Variants in LRIT3 observed in about 807,000 individuals in gnomAD.
LRIT3 encodes the protein leucine rich repeat, Ig-like and transmembrane domains 3, also known as leucine-rich repeat, immunoglobulin-like domain and transmembrane domain-containing protein 3.
LRIT3 carries 14 observed loss-of-function variants against 22.6 expected under a neutral mutation model. The ratio of observed to expected loss-of-function variants is 0.62; its 90% confidence interval spans 0.41 to 0.97. The LOEUF is 0.97. Ranked by LOEUF, LRIT3 falls within the 50% of genes least tolerant of loss-of-function variation. The pLI is 0.00. For synonymous variants in LRIT3, 306 were observed against 304.5 expected (o/e 1.01, Z -0.05); for missense variants, 783 against 803.0 (o/e 0.98, Z 0.30).
intron 2 of LRIT3, among the ~76,000 whole-genome samples, chr4:109,861,712 T>C (rs1223027472): frequency 6.6e-6 from 1 of 152,216 alleles, no homozygotes; most frequent in African/African-American, 2.4e-5. Flanking sequence ...ATATGCACTG[T>C]GAATATTTTC....
rs1734287963 is a variant in LRIT3 at position 109,852,052 on chromosome 4, A to C, written c.589+76A>C. ...TAGCTTTTTTTGTCCAGTCTTTTAAAATTTGTTGGATTTGGCTTTTTACTC... is the reference window on the plus strand; with the variant it reads ...TAGCTTTTTTTGTCCAGTCTTTTAACATTTGTTGGATTTGGCTTTTTACTC... On this transcript the variant is annotated intron_variant, in intron 2 of 3. Coordinates refer to ENST00000594814, the MANE Select transcript of LRIT3 (RefSeq NM_198506.5). 1.0e-5 allele frequency: 14 copies of C among 1,361,756 alleles called. No homozygotes were observed. In the South Asian group the frequency reaches 2.0e-4, roughly 20 times the overall value. The allele number at this position is 1,361,756 out of a possible 1,614,324, so 84.4% of individuals were successfully genotyped here. A position where few individuals can be genotyped will look rare whatever the true frequency, so the allele number is the denominator to read the frequency against.
chr4:109,858,152 A>T (rs1460986238), intron 2 of LRIT3, among the ~76,000 whole-genome samples: 3 of 152,224 alleles, frequency 2.0e-5, no homozygotes, highest in African/African-American at 7.2e-5. Context: ...TCATTAACAT[A>T]GACCTCAGTA....
At position 109,854,813 on chromosome 4, in the gene LRIT3, C is replaced by T. The variant is rs150629350; in HGVS notation, c.589+2837C>T. Among the ~76,000 whole-genome samples, 955 of 152,262 alleles carry T rather than the reference C, an allele frequency of 6.3e-3. 14 individuals are homozygous for T. Among genetic ancestry groups the T allele is most frequent in the African/African-American group, 0.02 (836 of 41,546 alleles). On this transcript the variant is annotated intron_variant, in intron 2 of 3. Transcript: ENST00000594814. The stretch of plus-strand genomic sequence containing the variant: ...TGAATTTTATAGAAGGCCTTTTCTG[C>T]GACTATTGAGATAATCATGTGCTTT...
At chr4:109,864,973 C>T in intron 2 of LRIT3, 1 of 934,378 alleles carries the variant, frequency 1.1e-6, no homozygotes, top group Admixed American at 3.7e-5. Context: ...ATCTTTAGCA[C>T]CTCAATCAAT....
intron 1 of LRIT3, among the ~76,000 whole-genome samples, chr4:109,850,964 C>A (rs960344647): frequency 6.6e-5 from 10 of 151,480 alleles, no homozygotes; most frequent in African/African-American, 2.4e-4. Flanking sequence ...TTTTTTTTCA[C>A]CTAAATAAAT....
At chr4:109,850,422 C>CCTTCTTTCCTTCTTTCTTT (rs66553123) in intron 1 of LRIT3, among the ~76,000 whole-genome samples, 1 of 55,088 alleles carries the variant, frequency 1.8e-5, no homozygotes, top group Non-Finnish European at 3.5e-5. Flanking sequence ...TTCCTTCCTT[C>CCTTCTTTCCTTCTTTCTTT]CTTTCTTTCT....
rs1158372935 is a variant in LRIT3 at position 109,867,817 on chromosome 4, G to T, written c.766G>T (p.Val256Leu). The part of the protein sequence containing the change: ...AELEHCLKPS[V>L]MTSATKIMSA... ...ATTGGAGCATTGTCTGAAACCATCA[G>T]TGATGACCTCAGCCACCAAAATCAT... Residue 256 changes from valine to leucine, a missense_variant, in exon 3 of 4, where the codon GTG (valine) becomes TTG (leucine). By Grantham distance (32) the Val-to-Leu change is conservative. Around this residue, in one of 2 missense-constraint regions of LRIT3, gnomAD observed 756 missense variants for 753.8 expected, o/e 1.00. Coordinates refer to ENST00000594814, the MANE Select transcript of LRIT3 (RefSeq NM_198506.5). The T allele has an allele frequency of 1.2e-6, 2 of 1,614,202 alleles. No individual in the cohort carries two copies. The highest frequency in any genetic ancestry group is 2.2e-5 in the East Asian group (1 of 44,886).
intron 2 of LRIT3, among the ~76,000 whole-genome samples, chr4:109,857,396 T>A (rs1172857262): frequency 6.6e-6 from 1 of 152,184 alleles, no homozygotes; most frequent in Non-Finnish European, 1.5e-5. Flanking sequence ...ATAGTGATAT[T>A]TTTGGCTGTG....
At position 109,871,998 on chromosome 4, in the gene LRIT3, A is replaced by C. The variant is rs1171499298; in HGVS notation, c.*1209A>C. On this transcript the variant is annotated 3_prime_UTR_variant, in exon 4 of 4. Coordinates refer to ENST00000594814, the MANE Select transcript of LRIT3 (RefSeq NM_198506.5). ...ACAGTGGTGATATTACATGTCACTT[A>C]GCAGGATGCAACCTGGCCTAGGGAT... 4 of 152,256 alleles carry C rather than the reference A, an allele frequency of 2.6e-5. No homozygotes were observed. The highest frequency in any genetic ancestry group is 6.5e-5 in the Admixed American group (1 of 15,276). 9.4% of individuals were successfully genotyped at this position (152,256 alleles called of 1,614,324 possible).
chr4:109,867,853 G>A lies in LRIT3; in HGVS notation c.802G>A (p.Gly268Ser), dbSNP rs1409971504. 1 of 1,613,920 alleles carries A rather than the reference G, an allele frequency of 6.2e-7. No individual in the cohort carries two copies. Among genetic ancestry groups the A allele is most frequent in the Non-Finnish European group, 8.5e-7 (1 of 1,179,996 alleles). ...AGCCACCAAAATCATGTCTGCTCTG[G>A]GCAGTAATGTTCTACTGCGGTGTGA... ...TSATKIMSALGSNVLLRCDAT... is the reference protein window; with the variant it reads ...TSATKIMSALSSNVLLRCDAT... The change falls in exon 3 of 4, where the codon GGC becomes AGC. Residue 268 changes from glycine (G) to serine (S), a missense_variant. Transcript: ENST00000594814.
chr4:109,872,198 T>C lies in LRIT3; in HGVS notation c.*1409T>C, dbSNP rs1339053439. Reference sequence around the variant, plus strand: ...CCAAACTCTGAGAACGGTCCTCAAATAGAAGCTCTCCTAGTCAGTTGGTCA... The same window carrying C: ...CCAAACTCTGAGAACGGTCCTCAAACAGAAGCTCTCCTAGTCAGTTGGTCA... On this transcript the variant is annotated 3_prime_UTR_variant, in exon 4 of 4. Coordinates refer to ENST00000594814, the MANE Select transcript of LRIT3 (RefSeq NM_198506.5). 1 of 152,256 alleles carries C rather than the reference T, an allele frequency of 6.6e-6. No individual in the cohort carries two copies. Among genetic ancestry groups the C allele is most frequent in the Non-Finnish European group, 1.5e-5 (1 of 68,050 alleles). 9.4% of individuals were successfully genotyped at this position (152,256 alleles called of 1,614,324 possible).
At chr4:109,867,146 T>C (rs1734701793) in intron 2 of LRIT3, among the ~76,000 whole-genome samples, 1 of 152,154 alleles carries the variant, frequency 6.6e-6, no homozygotes, top group Non-Finnish European at 1.5e-5. Context: ...GTAAGTACTT[T>C]CATAGCACCT....
rs1560588910 is a variant in LRIT3, at chr4:109,850,412, TTCCTTC to T, written c.117-1091_117-1086del. On this transcript the variant is annotated intron_variant, in intron 1 of 3. Transcript: ENST00000594814. ...CTTCCTTCCTTCCTTCCTTCCTTCC[TTCCTTC>T]CTTCCTTTCTTTCTTTCTTTCTTTC... Among the ~76,000 whole-genome samples the T allele has an allele frequency of 4.8e-3, 77 of 16,000 alleles. 5 individuals carry two copies. Among genetic ancestry groups the T allele is most frequent in the African/African-American group, 0.023 (73 of 3,220 alleles). The allele number at this position is 16,000 out of a possible 152,430, so 10.5% of individuals were successfully genotyped here.
rs1301313564 is a variant in LRIT3 at position 109,872,216 on chromosome 4, GT to G, written c.*1429del. ...CCTCAAATAGAAGCTCTCCTAGTCA[GT>G]TGGTCATCTGACCTCTGACTATATC... is the stretch of plus-strand genomic sequence containing the variant. On this transcript the variant is annotated 3_prime_UTR_variant, in exon 4 of 4. Transcript: ENST00000594814. 1 of 152,256 alleles carries G rather than the reference GT, an allele frequency of 6.6e-6. No homozygotes were observed. Among genetic ancestry groups the G allele is most frequent in the Non-Finnish European group, 1.5e-5 (1 of 68,060 alleles). The allele number at this position is 152,256 out of a possible 1,614,324, so 9.4% of individuals were successfully genotyped here.
intron 2 of LRIT3, among the ~76,000 whole-genome samples, chr4:109,853,962 A>G (rs1002807499): frequency 2.6e-5 from 4 of 152,212 alleles, no homozygotes; most frequent in African/African-American, 4.8e-5. Flanking sequence ...TTTTGGTATC[A>G]GTACTGTGCT....
At chr4:109,865,003 A>G in intron 2 of LRIT3, 1 of 1,224,744 alleles carries the variant, frequency 8.2e-7, no homozygotes, top group Non-Finnish European at 1.1e-6. Flanking sequence ...AATGTTACAA[A>G]TTAGGCATTC....
rs1353785040 is a variant in LRIT3 at position 109,869,920 on chromosome 4, T to C, written c.1171T>C (p.Phe391Leu). ...SASSYLWSSS[F>L]SPTSSFSAST... Reference sequence around the variant, plus strand: ...ATCATCATATCTTTGGTCCTCTTCCTTCTCCCCCACATCTTCTTTTTCTGC... The same window carrying C: ...ATCATCATATCTTTGGTCCTCTTCCCTCTCCCCCACATCTTCTTTTTCTGC... Residue 391 changes from phenylalanine (F) to leucine (L), a missense_variant, in exon 4 of 4, where the codon TTC (phenylalanine) becomes CTC (leucine). This residue lies in a region of LRIT3 where 756 missense variants were observed against 753.8 expected (regional missense o/e 1.00). Transcript: ENST00000594814. 4 of 1,613,880 alleles carry C rather than the reference T, an allele frequency of 2.5e-6. No homozygotes were observed. The African/African-American group carries it at 5.3e-5, about 22-fold the overall frequency.
rs2125901515 is a variant in LRIT3 at position 109,869,835 on chromosome 4, A to T, written c.1086A>T (p.Gly362=). 23 of 1,614,128 alleles carry T rather than the reference A, an allele frequency of 1.4e-5. No homozygotes were observed. The highest frequency in any genetic ancestry group is 1.9e-5 in the Non-Finnish European group (23 of 1,179,968). Residue 362 remains glycine (G), a synonymous_variant, in exon 4 of 4, where the codon GGA becomes GGT. Coordinates refer to ENST00000594814, the MANE Select transcript of LRIT3 (RefSeq NM_198506.5). ...PIPPDTSERT[G]DHPEWDVQPG... ...CACCAGACACTTCTGAAAGAACTGG[A>T]GATCATCCTGAGTGGGATGTCCAGC...
chr4:109,865,309 T>C (rs763501882), intron 2 of LRIT3: 6 of 1,604,448 alleles, frequency 3.7e-6, no homozygotes, highest in Middle Eastern at 1.7e-4. Flanking sequence ...TTTTAAAATT[T>C]CTCTTTCATA....
Sources: allele counts gnomAD v4.1 joint callset (sites outside exome capture counted in the v4.1 genomes callset), GRCh38; gene constraint gnomAD v4.1.1; regional missense constraint gnomAD v4.1.1; transcripts MANE v1.5; gene names NCBI Gene and HGNC (gene_info 2026-07-23, HGNC 2026-07-21).